The following AXL variants were observed in gnomAD, a reference collection of about 807,000 sequenced individuals.
AXL encodes tyrosine-protein kinase receptor UFO.
AXL carries 52 observed loss-of-function variants against 104.5 expected under a neutral mutation model. That is an observed-to-expected ratio of 0.50 (90% CI 0.40 to 0.63). The LOEUF (loss-of-function observed/expected upper bound fraction) is 0.63. Ranked by LOEUF, AXL falls within the 20% of genes least tolerant of loss-of-function variation. The probability of loss-of-function intolerance (pLI) is 0.00; values close to 1 mark genes in which losing one functional copy is unlikely to be tolerated. For synonymous variants in AXL, 455 were observed against 473.7 expected, an observed-to-expected ratio of 0.96 and a Z score of 0.51; for missense variants, 1,024 against 1,188.5, an observed-to-expected ratio of 0.86 and a Z score of 2.04.
rs374467939 is a variant in AXL at position 41,220,706 on chromosome 19, C to A, written c.156C>A (p.Gly52=). ...TCACAGGTGCCCGGGGACTCACGGGCACCCTTCGGTGTCAGCTCCAGGTTC... is the reference window on the plus strand; with the variant it reads ...TCACAGGTGCCCGGGGACTCACGGGAACCCTTCGGTGTCAGCTCCAGGTTC... ...GNITGARGLT[G]TLRCQLQVQG... Residue 52 remains glycine, a synonymous_variant, in exon 2 of 20, where the codon GGC becomes GGA. Coordinates refer to ENST00000301178, the MANE Select transcript of AXL (RefSeq NM_021913.5). 216 of 1,613,376 alleles carry A rather than the reference C, an allele frequency of 1.3e-4. No individual in the cohort carries two copies. Among genetic ancestry groups the A allele is most frequent in the Non-Finnish European group, 1.7e-4 (203 of 1,179,696 alleles).
chr19:41,238,251 C>T (rs1385754937), intron 7 of AXL, 97 bp downstream of exon 7: 3 of 1,478,766 alleles, frequency 2.0e-6, no homozygotes, highest in African/African-American at 1.4e-5. Flanking sequence ...CTTTACCCCT[C>T]ATGGCCTCAA....
chr19:41,221,663 G>A, intron 3 of AXL: 1 of 566,130 alleles, frequency 1.8e-6, no homozygotes, highest in Non-Finnish European at 3.1e-6. Flanking sequence ...GAGACATGAG[G>A]AGCTCAGCTA....
intron 9 of AXL, 106 bp from the exon 10 acceptor site, chr19:41,239,588 C>A: frequency 7.3e-7 from 1 of 1,371,760 alleles, no homozygotes. Flanking sequence ...CTTACTCGTG[C>A]CACACCCTCA....
intron 7 of AXL, 91 bp from the exon 8 acceptor site, chr19:41,238,379 G>T (rs1426869461): frequency 1.9e-6 from 3 of 1,558,772 alleles, no homozygotes; most frequent in Non-Finnish European, 2.6e-6. Flanking sequence ...CCACGTGTGT[G>T]CCCTTGGCAC....
In AXL at chr19:41,242,897, ACTC is replaced by A. The variant is rs765736367; in HGVS notation, c.1330_1332del (p.Pro444del). 2 of 1,613,670 alleles carry A rather than the reference ACTC, an allele frequency of 1.2e-6. No individual in the cohort carries two copies. The highest frequency in any genetic ancestry group is 3.3e-5 in the Admixed American group (2 of 59,976). On this transcript the variant is annotated inframe_deletion, in exon 11 of 20. Coordinates refer to ENST00000301178, the MANE Select transcript of AXL (RefSeq NM_021913.5). ...CCCCCTGATAGTGAAGGAACCTTCA[ACTC>A]CTGCCTTCTCGTGGCCCTGGTGGTA...
intron 14 of AXL, among the ~76,000 whole-genome samples, chr19:41,251,544 A>G (rs1409324698): frequency 3.3e-5 from 5 of 151,406 alleles, no homozygotes; most frequent in African/African-American, 1.2e-4. Context: ...CCTGGGGGAC[A>G]AGGGCGAAAC....
Position 41,252,840 on chromosome 19 carries a change from G to C in AXL, c.1805-6G>C. On this transcript the variant is annotated splice_polypyrimidine_tract_variant and splice_region_variant and intron_variant, in intron 15 of 19. Coordinates refer to ENST00000301178, the MANE Select transcript of AXL (RefSeq NM_021913.5). Reference sequence around the variant, plus strand: ...CAGGAGTGACAGGGCTACCTGGGGGGCTCAGGTGTCTGTTTCCAGGGTTCT... The same window carrying C: ...CAGGAGTGACAGGGCTACCTGGGGGCCTCAGGTGTCTGTTTCCAGGGTTCT... 6.2e-7 allele frequency: 1 copy of C among 1,613,764 alleles called. No homozygotes were observed. Among genetic ancestry groups the C allele is most frequent in the Non-Finnish European group, 8.5e-7 (1 of 1,179,990 alleles).
At chr19:41,236,331 TA>T (rs36010942) in intron 6 of AXL, among the ~76,000 whole-genome samples, 2,023 of 102,068 alleles carry the variant, frequency 0.02, 41 homozygotes, top group African/African-American at 0.061. Flanking sequence ...AGACTCTGTC[TA>T]AAAAAAAAAA....
At chr19:41,228,646 A>G (rs1005257707) in intron 4 of AXL, among the ~76,000 whole-genome samples, 2 of 152,222 alleles carry the variant, frequency 1.3e-5, no homozygotes, top group African/African-American at 2.4e-5. Flanking sequence ...AGGAATGCTC[A>G]TAAGTACATA....
chr19:41,239,999 C>G (rs56343616), intron 10 of AXL, among the ~76,000 whole-genome samples: 1,581 of 148,550 alleles, frequency 0.011, 36 homozygotes, highest in African/African-American at 0.037. Context: ...GTGGGTGGGT[C>G]AATGGATGAA....
rs779718472 is a variant in AXL at position 41,231,008 on chromosome 19, G to A, written c.628G>A (p.Ala210Thr). 8 of 1,613,778 alleles carry A rather than the reference G, an allele frequency of 5.0e-6. No individual in the cohort carries two copies. In the African/African-American group the frequency reaches 8.0e-5, roughly 16 times the overall value. The change falls in exon 5 of 20, where the codon GCC (alanine) becomes ACC (threonine). Residue 210 changes from alanine (A) to threonine (T), a missense_variant. This residue lies in a region of AXL where 332 missense variants were observed against 343.9 expected (regional missense o/e 0.97). Transcript: ENST00000301178. ...CTCTTTCTCCTGCGAAGCCCATAAC[G>A]CCAAGGGGGTCACCACATCCCGCAC... ...TSSFSCEAHN[A>T]KGVTTSRTAT...
intron 7 of AXL, 124 bp from the exon 8 acceptor site, chr19:41,238,346 C>A: frequency 6.6e-7 from 1 of 1,507,784 alleles, no homozygotes; most frequent in Non-Finnish European, 9.0e-7. Flanking sequence ...TGCTTCCTCT[C>A]ATGGGAGGCC....
intron 12 of AXL, among the ~76,000 whole-genome samples, chr19:41,247,730 C>G (rs780918096): frequency 6.6e-6 from 1 of 151,376 alleles, no homozygotes; most frequent in African/African-American, 2.4e-5. Context: ...ACTATAGGCG[C>G]GTACCACCAC....
chr19:41,243,958 C>T (rs533623987), intron 12 of AXL: 87 of 398,752 alleles, frequency 2.2e-4, no homozygotes, highest in Middle Eastern at 6.6e-4. Context: ...GTAATCCTAG[C>T]GCTTCGGGGG....
At chr19:41,249,481 C>T (rs147485577) in intron 14 of AXL, among the ~76,000 whole-genome samples, 3,533 of 151,468 alleles carry the variant, frequency 0.023, 157 homozygotes, top group African/African-American at 0.081. Flanking sequence ...CATGGCTGGG[C>T]GTGGTGGCTC....
intron 6 of AXL, among the ~76,000 whole-genome samples, chr19:41,237,054 C>T (rs2034092892): frequency 6.6e-6 from 1 of 151,978 alleles, no homozygotes; most frequent in African/African-American, 2.4e-5. Context: ...GATTGGACAC[C>T]TTTGAGATTG....
intron 6 of AXL, among the ~76,000 whole-genome samples, chr19:41,236,538 T>C (rs1387767934): frequency 6.6e-6 from 1 of 151,738 alleles, no homozygotes; most frequent in African/African-American, 2.4e-5. Flanking sequence ...CCCAGCACTT[T>C]GAGAGGCTGA....
At chr19:41,256,651 G>A (rs2122290388) in intron 18 of AXL, 40 bp downstream of exon 18, 1 of 1,604,710 alleles carries the variant, frequency 6.2e-7, no homozygotes, top group Non-Finnish European at 8.5e-7. Flanking sequence ...CCATGGGAGG[G>A]CATGGCCTGA....
chr19:41,257,497 C>T lies in AXL; in HGVS notation c.2201C>T (p.Ser734Phe), dbSNP rs1269754906. Reference sequence around the variant, plus strand: ...AATTCCCTCTGCCCCTCACAGTGGTCCTTCGGGGTGACAATGTGGGAGATT... The same window carrying T: ...AATTCCCTCTGCCCCTCACAGTGGTTCTTCGGGGTGACAATGTGGGAGATT... Reference protein sequence around the residue: ...RVYTSKSDVWSFGVTMWEIAT... With the variant: ...RVYTSKSDVWFFGVTMWEIAT... Residue 734 changes from serine (S) to phenylalanine (F), a missense_variant, in exon 19 of 20, where the codon TCC (serine) becomes TTC (phenylalanine). By Grantham distance (155) the Ser-to-Phe change is radical (BLOSUM62 -2). Coordinates refer to ENST00000301178, the MANE Select transcript of AXL (RefSeq NM_021913.5). The T allele has an allele frequency of 6.2e-7, 1 of 1,614,096 alleles. No homozygotes were observed. The highest frequency in any genetic ancestry group is 8.5e-7 in the Non-Finnish European group (1 of 1,180,022).
Sources: allele counts gnomAD v4.1 joint callset (sites outside exome capture counted in the v4.1 genomes callset), GRCh38; gene constraint gnomAD v4.1.1; regional missense constraint gnomAD v4.1.1; transcripts MANE v1.5; gene names NCBI Gene and HGNC (gene_info 2026-07-23, HGNC 2026-07-21).